The following SPRED1 variants were observed in gnomAD, a reference collection of about 807,000 sequenced individuals.
The protein encoded by SPRED1 is sprouty related EVH1 domain containing 1.
SPRED1 carries 18 observed loss-of-function variants against 52.3 expected under a neutral mutation model. That is an observed-to-expected ratio of 0.34 (90% CI 0.24 to 0.51). The LOEUF is 0.51. SPRED1 is among the 20% of genes least tolerant of loss of function. The probability of loss-of-function intolerance (pLI) is 0.97; values close to 1 mark genes in which losing one functional copy is unlikely to be tolerated. For synonymous variants in SPRED1, 155 were observed against 179.7 expected (o/e 0.86, Z 1.10); for missense variants, 485 against 551.0 (o/e 0.88, Z 1.20).
In SPRED1 at chr15:38,354,680, G is replaced by A. The variant is rs1888572003; in HGVS notation, c.*3016G>A. 6.6e-6 allele frequency: 1 copy of A among 152,166 alleles called. No individual in the cohort carries two copies. The highest frequency in any genetic ancestry group is 6.5e-5 in the Admixed American group (1 of 15,278). 9.4% of individuals were successfully genotyped at this position (152,166 alleles called of 1,614,324 possible). A position where few individuals can be genotyped will look rare whatever the true frequency, so the allele number is the denominator to read the frequency against. On this transcript the variant is annotated 3_prime_UTR_variant, in exon 7 of 7. Transcript: ENST00000299084. ...TGTAAAATGGTTATTTACCTAATGT[G>A]TCTTGTTGGCTTGCTGAAAGATTTT...
At chr15:38,307,380 A>C (rs747101098) in intron 2 of SPRED1, among the ~76,000 whole-genome samples, 6 of 151,792 alleles carry the variant, frequency 4.0e-5, no homozygotes, top group Non-Finnish European at 8.8e-5. Context: ...GTATTGGCCA[A>C]TTTTCTGTTT....
intron 2 of SPRED1, among the ~76,000 whole-genome samples, chr15:38,308,960 A>G (rs957887467): frequency 2.0e-5 from 3 of 152,124 alleles, no homozygotes; most frequent in Middle Eastern, 3.4e-3. Flanking sequence ...TGAGCAATCC[A>G]TTTTCTAAGC....
intron 2 of SPRED1, among the ~76,000 whole-genome samples, chr15:38,310,829 A>G (rs1025995470): frequency 2.0e-5 from 3 of 152,200 alleles, no homozygotes; most frequent in Admixed American, 2.0e-4. Context: ...ATCCTGTTAC[A>G]TAGACATATT....
intron 1 of SPRED1, chr15:38,298,592 G>T: frequency 3.6e-6 from 1 of 278,334 alleles, no homozygotes. Context: ...AATTCTGTTT[G>T]ATTCCATTTA....
At chr15:38,264,986 G>C (rs1894279295) in intron 1 of SPRED1, among the ~76,000 whole-genome samples, 1 of 152,152 alleles carries the variant, frequency 6.6e-6, no homozygotes, top group Admixed American at 6.5e-5. Context: ...CCAAGATGTT[G>C]ACTGATATTG....
intron 1 of SPRED1, among the ~76,000 whole-genome samples, chr15:38,278,968 C>T (rs1362520499): frequency 6.6e-6 from 1 of 151,868 alleles, no homozygotes; most frequent in Non-Finnish European, 1.5e-5. Context: ...GCTGGGATTA[C>T]AGGCGTACAC....
At chr15:38,302,794 G>A (rs2140980904) in intron 2 of SPRED1, among the ~76,000 whole-genome samples, 1 of 152,304 alleles carries the variant, frequency 6.6e-6, no homozygotes, top group East Asian at 1.9e-4. Context: ...GGTTGGTGTT[G>A]TAGCCTAAGA....
intron 5 of SPRED1, among the ~76,000 whole-genome samples, chr15:38,342,988 G>A (rs1392972117): frequency 1.3e-5 from 2 of 152,106 alleles, no homozygotes; most frequent in African/African-American, 2.4e-5. Context: ...AAAACTATTA[G>A]CGGTAGGGAA....
intron 1 of SPRED1, among the ~76,000 whole-genome samples, chr15:38,280,187 T>C (rs1382494299): frequency 4.6e-5 from 7 of 152,214 alleles, no homozygotes; most frequent in Non-Finnish European, 7.3e-5. Flanking sequence ...TTGATATCAG[T>C]AATCAACACT....
At chr15:38,348,957 T>C (rs985054056) in intron 5 of SPRED1, among the ~76,000 whole-genome samples, 1 of 152,228 alleles carries the variant, frequency 6.6e-6, no homozygotes, top group East Asian at 1.9e-4. Context: ...TGGTGGTTTT[T>C]ATTATATTCA....
chr15:38,295,556 A>G (rs968096282), intron 1 of SPRED1, among the ~76,000 whole-genome samples: 8 of 152,224 alleles, frequency 5.3e-5, no homozygotes, highest in Non-Finnish European at 1.2e-4. Context: ...TATTTAGAAA[A>G]TGAAACCGAT....
chr15:38,271,157 G>A (rs968906109), intron 1 of SPRED1, among the ~76,000 whole-genome samples: 16 of 152,214 alleles, frequency 1.1e-4, no homozygotes, highest in Admixed American at 7.9e-4. Context: ...GCCAAAGTGT[G>A]ATATTATCTA....
chr15:38,287,665 G>A (rs1894838879), intron 1 of SPRED1, among the ~76,000 whole-genome samples: 1 of 152,044 alleles, frequency 6.6e-6, no homozygotes, highest in Admixed American at 6.6e-5. Flanking sequence ...CATCTTTACT[G>A]AACATGTACA....
At chr15:38,350,656 G>T (rs1319584758) in intron 6 of SPRED1, among the ~76,000 whole-genome samples, 1 of 152,122 alleles carries the variant, frequency 6.6e-6, no homozygotes, top group Non-Finnish European at 1.5e-5. Flanking sequence ...TGGGTAAGTG[G>T]CTCATGCAAT....
chr15:38,295,378 T>TA (rs1895013607), intron 1 of SPRED1, among the ~76,000 whole-genome samples: 1 of 152,218 alleles, frequency 6.6e-6, no homozygotes, highest in African/African-American at 2.4e-5. Flanking sequence ...AGGCTTGCTG[T>TA]ACAGCATGTT....
At chr15:38,330,735 T>G (rs892274675) in intron 4 of SPRED1, among the ~76,000 whole-genome samples, 25 of 152,116 alleles carry the variant, frequency 1.6e-4, no homozygotes, top group Non-Finnish European at 3.2e-4. Context: ...AAAACTTATT[T>G]TAGTAGTATA....
intron 1 of SPRED1, among the ~76,000 whole-genome samples, chr15:38,286,821 T>C (rs2140969049): frequency 6.6e-6 from 1 of 152,312 alleles, no homozygotes; most frequent in Non-Finnish European, 1.5e-5. Flanking sequence ...TTTAGTCCCC[T>C]TTCCAGTATT....
At chr15:38,275,681 A>G (rs1894535152) in intron 1 of SPRED1, among the ~76,000 whole-genome samples, 1 of 152,116 alleles carries the variant, frequency 6.6e-6, no homozygotes, top group South Asian at 2.1e-4. Flanking sequence ...TATTTTCAGT[A>G]GCGACGGGGT....
chr15:38,338,038 TAAAAAAAAAA>T (rs66632536), intron 4 of SPRED1, among the ~76,000 whole-genome samples: 1 of 88,912 alleles, frequency 1.1e-5, no homozygotes, highest in South Asian at 4.2e-4. Context: ...CCATTGCTAC[TAAAAAAAAAA>T]AAAAAAAAAA....
Sources: allele counts gnomAD v4.1 joint callset (sites outside exome capture counted in the v4.1 genomes callset), GRCh38; gene constraint gnomAD v4.1.1; transcripts MANE v1.5; gene names NCBI Gene and HGNC (gene_info 2026-07-23, HGNC 2026-07-21).